The following ERICH6 variants were observed in gnomAD, a reference collection of about 807,000 sequenced individuals.
The protein encoded by ERICH6 is glutamate rich 6.
Under a neutral mutation model 71.0 loss-of-function variants are expected in ERICH6, and 71 were observed. The ratio of observed to expected loss-of-function variants is 1.00; its 90% confidence interval spans 0.83 to 1.22. The LOEUF (loss-of-function observed/expected upper bound fraction) is 1.22, where lower values mean the gene tolerates loss of function less well. Ranked by LOEUF, ERICH6 falls within the 50% of genes most tolerant of loss-of-function variation. The pLI is 0.00. For missense variants in ERICH6, 808 were observed against 797.2 expected, an observed-to-expected ratio of 1.01 and a Z score of -0.16; for synonymous variants, 262 against 278.4, an observed-to-expected ratio of 0.94 and a Z score of 0.59.
At chr3:150,667,735 C>T (rs2108042040) in intron 12 of ERICH6, among the ~76,000 whole-genome samples, 1 of 152,292 alleles carries the variant, frequency 6.6e-6, no homozygotes, top group African/African-American at 2.4e-5. Context: ...CTCTTACCAT[C>T]CCCACCTTGA....
rs2108079009 is a variant in ERICH6 at position 150,698,918 on chromosome 3, T to C, written c.462-36A>G. 2.9e-6 allele frequency: 4 copies of C among 1,378,746 alleles called. No homozygotes were observed. In the South Asian group the frequency reaches 3.6e-5, roughly 12 times the overall value. The allele number at this position is 1,378,746 out of a possible 1,614,324, so 85.4% of individuals were successfully genotyped here. A position where few individuals can be genotyped will look rare whatever the true frequency, so the allele number is the denominator to read the frequency against. On this transcript the variant is annotated intron_variant, in intron 2 of 13. Coordinates refer to ENST00000295910, the MANE Select transcript of ERICH6 (RefSeq NM_152394.5). The stretch of plus-strand genomic sequence containing the variant: ...GACAAAAATGTTTTGAGTATACCTA[T>C]ATAGTTGTTAGCAGGTCTTCTAAAC...
In ERICH6 at chr3:150,682,110, C is replaced by T. The variant is rs951173121; in HGVS notation, c.882+108G>A. 1.1e-4 allele frequency: 102 copies of T among 956,458 alleles called. 1 individual carries two copies. Among genetic ancestry groups the T allele is most frequent in the South Asian group, 4.5e-4 (29 of 63,752 alleles). The allele number at this position is 956,458 out of a possible 1,614,324, so 59.2% of individuals were successfully genotyped here. On this transcript the variant is annotated intron_variant, in intron 7 of 13. Transcript: ENST00000295910. ...GATTACAGGTGTGAGCCATCAAGCC[C>T]GGCCTAACTCTTTTAAAAATGGCAA...
chr3:150,669,955 A>G (rs554140573), intron 11 of ERICH6, among the ~76,000 whole-genome samples: 1 of 152,270 alleles, frequency 6.6e-6, no homozygotes, highest in East Asian at 1.9e-4. Context: ...GCACTTACGG[A>G]GGCCAAGGCA....
chr3:150,677,311 A>T (rs1168236514), intron 10 of ERICH6, among the ~76,000 whole-genome samples: 1 of 152,170 alleles, frequency 6.6e-6, no homozygotes, highest in African/African-American at 2.4e-5. Flanking sequence ...CGAGAGGTCT[A>T]TTCTGAGGGA....
chr3:150,699,709 C>T (rs1468045786), intron 2 of ERICH6, among the ~76,000 whole-genome samples: 2 of 132,152 alleles, frequency 1.5e-5, no homozygotes, highest in Non-Finnish European at 3.1e-5. Flanking sequence ...ACAAAGCCCT[C>T]AAAGAGATAA....
intron 12 of ERICH6, among the ~76,000 whole-genome samples, chr3:150,668,814 G>C (rs559888895): frequency 1.3e-5 from 2 of 152,150 alleles, no homozygotes; most frequent in Non-Finnish European, 2.9e-5. Flanking sequence ...TTTCTCTGGA[G>C]ATTTTGTGTG....
At chr3:150,691,343 G>C (rs527968902) in intron 3 of ERICH6, among the ~76,000 whole-genome samples, 10 of 152,244 alleles carry the variant, frequency 6.6e-5, no homozygotes, top group Admixed American at 3.9e-4. Context: ...TAAAAGAAAA[G>C]GGTGTCCTTT....
intron 3 of ERICH6, among the ~76,000 whole-genome samples, chr3:150,691,768 C>T (rs1712445561): frequency 6.6e-6 from 1 of 151,886 alleles, no homozygotes; most frequent in Non-Finnish European, 1.5e-5. Context: ...TCTGTATGCA[C>T]TTTTAAAGTA....
chr3:150,703,537 G>C lies in ERICH6; in HGVS notation c.362C>G (p.Thr121Arg), dbSNP rs780997150. Residue 121 changes from threonine (T) to arginine (R), a missense_variant, in exon 1 of 14, where the codon ACG becomes AGG. Physicochemically the swap from Thr to Arg is moderately conservative, Grantham distance 71. Around this residue, in one of 3 missense-constraint regions of ERICH6, gnomAD observed 736 missense variants for 712.2 expected, o/e 1.03. Coordinates refer to ENST00000295910, the MANE Select transcript of ERICH6 (RefSeq NM_152394.5). ...VPSQSATSTE[T>R]PSASPPSSTS... Reference sequence around the variant, plus strand: ...GCTGGAGGGTGGGCTTGCGCTCGGCGTTTCAGTGCTGGTCGCGCTCTGGCT... The same window carrying C: ...GCTGGAGGGTGGGCTTGCGCTCGGCCTTTCAGTGCTGGTCGCGCTCTGGCT... The C allele has an allele frequency of 6.2e-7, 1 of 1,611,108 alleles. No homozygotes were observed. Among genetic ancestry groups the C allele is most frequent in the Admixed American group, 1.7e-5 (1 of 59,888 alleles).
chr3:150,664,492 T>C (rs1727333282), intron 13 of ERICH6, among the ~76,000 whole-genome samples: 1 of 151,826 alleles, frequency 6.6e-6, no homozygotes, highest in Non-Finnish European at 1.5e-5. Context: ...CTACTAAAAA[T>C]ACAAAATTAA....
chr3:150,693,868 AT>A (rs562075749), intron 3 of ERICH6, among the ~76,000 whole-genome samples: 4 of 152,046 alleles, frequency 2.6e-5, no homozygotes, highest in African/African-American at 9.6e-5. Context: ...AATGTTTTCA[AT>A]TTTTTTTCCT....
chr3:150,702,139 G>A lies in ERICH6; in HGVS notation c.443C>T (p.Ser148Phe). The change falls in exon 2 of 14, where the codon TCT (serine) becomes TTT (phenylalanine). Residue 148 changes from serine (S) to phenylalanine (F), a missense_variant. Around this residue, in one of 3 missense-constraint regions of ERICH6, gnomAD observed 736 missense variants for 712.2 expected, o/e 1.03. Coordinates refer to ENST00000295910, the MANE Select transcript of ERICH6 (RefSeq NM_152394.5). ...KIFQTFRKDM[S>F]EMSIDRNIHR... is the part of the protein sequence containing the mutation. The stretch of plus-strand genomic sequence containing the variant: ...TTCTTACCTATCTATACTCATTTCA[G>A]ACATGTCTTTCCTAAATGTCTGAAA... 1 of 1,579,996 alleles carries A rather than the reference G, an allele frequency of 6.3e-7. No individual in the cohort carries two copies. The highest frequency in any genetic ancestry group is 8.6e-7 in the Non-Finnish European group (1 of 1,157,402).
intron 11 of ERICH6, among the ~76,000 whole-genome samples, 183 bp from the exon 12 acceptor site, chr3:150,669,634 C>A (rs1220220807): frequency 6.6e-6 from 1 of 152,090 alleles, no homozygotes; most frequent in African/African-American, 2.4e-5. Context: ...TGCAAAAATC[C>A]TCAACAAAAT....
At chr3:150,678,807 G>A (rs1243855606) in intron 9 of ERICH6, among the ~76,000 whole-genome samples, 3 of 151,968 alleles carry the variant, frequency 2.0e-5, no homozygotes, top group African/African-American at 4.8e-5. Flanking sequence ...TTGGGAGGTC[G>A]AGGCGGGTGG....
chr3:150,665,285 ATATTGAGATTC>A lies in ERICH6; in HGVS notation c.1728+1491_1728+1501del, dbSNP rs769152656. Among the ~76,000 whole-genome samples the A allele has an allele frequency of 3.9e-5, 6 of 152,102 alleles. No individual in the cohort carries two copies. In the South Asian group the frequency reaches 8.3e-4, roughly 21 times the overall value. ...CATGAGATATTCCTTCCTGTGTTGAATATTGAGATTCTATTTCCACATACTTAAAAGTTGAA... is the reference window on the plus strand; with the variant it reads ...CATGAGATATTCCTTCCTGTGTTGAATATTTCCACATACTTAAAAGTTGAA... On this transcript the variant is annotated intron_variant, in intron 13 of 13. Transcript: ENST00000295910.
At chr3:150,665,331 G>A (rs980725395) in intron 13 of ERICH6, among the ~76,000 whole-genome samples, 6 of 151,944 alleles carry the variant, frequency 3.9e-5, no homozygotes, top group Admixed American at 3.3e-4. Flanking sequence ...AGGCACTTTT[G>A]AAGTTTGGAG....
chr3:150,670,953 A>G (rs1018957457), intron 11 of ERICH6, among the ~76,000 whole-genome samples: 1 of 152,150 alleles, frequency 6.6e-6, no homozygotes, highest in African/African-American at 2.4e-5. Flanking sequence ...TTAATAATAA[A>G]AGTTGGAAAA....
chr3:150,671,638 A>C (rs914095271), intron 11 of ERICH6, among the ~76,000 whole-genome samples: 1 of 151,958 alleles, frequency 6.6e-6, no homozygotes, highest in Non-Finnish European at 1.5e-5. Context: ...TATTTATTTA[A>C]TTTTTTGAGA....
intron 1 of ERICH6, 137 bp from the exon 2 acceptor site, chr3:150,702,315 C>T (rs1001421495): frequency 1.0e-4 from 50 of 483,372 alleles, no homozygotes; most frequent in African/African-American, 9.4e-4. Context: ...CTCGCTCTGT[C>T]GCCTAGGCTG....
Sources: allele counts gnomAD v4.1 joint callset (sites outside exome capture counted in the v4.1 genomes callset), GRCh38; gene constraint gnomAD v4.1.1; regional missense constraint gnomAD v4.1.1; transcripts MANE v1.5; gene names NCBI Gene and HGNC (gene_info 2026-07-23, HGNC 2026-07-21).